The following FBXL2 variants were observed in gnomAD, a reference collection of about 807,000 sequenced individuals.
The protein encoded by FBXL2 is F-box/LRR-repeat protein 2.
In FBXL2, 38 loss-of-function variants were observed where a neutral mutation model predicts 69.2. That is an observed-to-expected ratio of 0.55 (90% CI 0.42 to 0.72). FBXL2 has a LOEUF of 0.72. FBXL2 is among the 30% of genes least tolerant of loss of function. The probability of loss-of-function intolerance (pLI) is 0.00; values close to 1 mark genes in which losing one functional copy is unlikely to be tolerated. For missense variants in FBXL2, 354 were observed against 520.3 expected (o/e 0.68, Z 3.11); for synonymous variants, 192 against 201.3 (o/e 0.95, Z 0.39).
chr3:33,322,866 TCTA>T (rs1395211704), intron 2 of FBXL2, among the ~76,000 whole-genome samples: 2 of 152,160 alleles, frequency 1.3e-5, no homozygotes, highest in East Asian at 3.9e-4. Context: ...TATGATGAAG[TCTA>T]CTATGTTTTA....
intron 2 of FBXL2, among the ~76,000 whole-genome samples, chr3:33,354,104 A>G (rs2041022356): frequency 6.6e-6 from 1 of 152,204 alleles, no homozygotes; most frequent in South Asian, 2.1e-4. Flanking sequence ...AATTTGGTTC[A>G]TTAATTGTAA....
intron 1 of FBXL2, chr3:33,278,246 C>T (rs1341711049): frequency 1.3e-5 from 2 of 152,190 alleles, no homozygotes; most frequent in Non-Finnish European, 2.9e-5. Flanking sequence ...CTCGGTTTCA[C>T]TCGGCGGAGG....
intron 2 of FBXL2, among the ~76,000 whole-genome samples, chr3:33,319,968 A>T (rs1575180182): frequency 6.6e-6 from 1 of 152,340 alleles, no homozygotes; most frequent in Middle Eastern, 3.4e-3. Context: ...TTATTAACAG[A>T]CATTAGAGGA....
chr3:33,279,517 C>T (rs531538556), intron 1 of FBXL2, among the ~76,000 whole-genome samples: 1 of 152,292 alleles, frequency 6.6e-6, no homozygotes, highest in East Asian at 1.9e-4. Flanking sequence ...GATCCTCCTG[C>T]CTTGGCCTCC....
At chr3:33,298,535 G>A (rs953345058) in intron 2 of FBXL2, among the ~76,000 whole-genome samples, 2 of 151,758 alleles carry the variant, frequency 1.3e-5, no homozygotes, top group Admixed American at 6.6e-5. Context: ...TTAGCCAGGC[G>A]TGGTGGTGCA....
At chr3:33,328,768 A>G (rs56020091) in intron 2 of FBXL2, among the ~76,000 whole-genome samples, 36,802 of 151,672 alleles carry the variant, frequency 0.24, 5,199 homozygotes, top group East Asian at 0.48. Context: ...GAAACACTCC[A>G]GGACGTTGGT....
chr3:33,326,374 G>T (rs904028540), intron 2 of FBXL2, among the ~76,000 whole-genome samples: 1 of 151,984 alleles, frequency 6.6e-6, no homozygotes, highest in Non-Finnish European at 1.5e-5. Flanking sequence ...GTGGTGGCAG[G>T]CACCTGTAGT....
chr3:33,325,059 G>C (rs1057354293), intron 2 of FBXL2, among the ~76,000 whole-genome samples: 7 of 152,044 alleles, frequency 4.6e-5, no homozygotes, highest in African/African-American at 1.4e-4. Context: ...TATTCTCTTC[G>C]TAGCAGTTGT....
intron 2 of FBXL2, among the ~76,000 whole-genome samples, chr3:33,342,194 A>G (rs558183673): frequency 1.3e-5 from 2 of 150,982 alleles, no homozygotes; most frequent in East Asian, 3.9e-4. Context: ...TTTAGTAGAG[A>G]CGGGGTTTCA....
chr3:33,367,230 C>G (rs2042010781), intron 5 of FBXL2, among the ~76,000 whole-genome samples: 1 of 152,014 alleles, frequency 6.6e-6, no homozygotes, highest in African/African-American at 2.4e-5. Flanking sequence ...TACAGTCACC[C>G]ACCACCATGC....
chr3:33,316,228 T>C (rs965353544), intron 2 of FBXL2, among the ~76,000 whole-genome samples: 1 of 152,028 alleles, frequency 6.6e-6, no homozygotes, highest in Non-Finnish European at 1.5e-5. Context: ...TGGGTAATTT[T>C]TGTGTTTTTA....
chr3:33,364,478 A>G, intron 4 of FBXL2, 147 bp from the exon 5 acceptor site: 2 of 712,072 alleles, frequency 2.8e-6, no homozygotes, highest in Non-Finnish European at 5.0e-6. Context: ...CATTAAGGAT[A>G]GAACTGAGGT....
At chr3:33,277,185 T>TTA, upstream of FBXL2, 3 of 291,180 alleles carry the variant, frequency 1.0e-5, no homozygotes, top group Non-Finnish European at 1.3e-5. Flanking sequence ...ACGTTTTTTT[T>TTA]AAAAAAAAAA....
At chr3:33,378,822 C>T (rs1159196312) in intron 13 of FBXL2, 81 bp downstream of exon 13, 2 of 1,611,530 alleles carry the variant, frequency 1.2e-6, no homozygotes, top group Admixed American at 1.7e-5. Context: ...TGTTTGGGTT[C>T]TCTTTCTGTA....
intron 2 of FBXL2, among the ~76,000 whole-genome samples, chr3:33,330,057 A>G (rs1383017403): frequency 4.6e-5 from 7 of 152,040 alleles, no homozygotes; most frequent in African/African-American, 1.7e-4. Flanking sequence ...CCAAGGCAGA[A>G]GGACCACTTG....
rs149316198 is a variant in FBXL2, at chr3:33,366,735, C to T, written c.290+2016C>T. ...ATCCCAGCACTTTGGGAGACTGAGGCGGGTGGATCACTAGGTCAGGAGATT... is the reference window on the plus strand; with the variant it reads ...ATCCCAGCACTTTGGGAGACTGAGGTGGGTGGATCACTAGGTCAGGAGATT... On this transcript the variant is annotated intron_variant, in intron 5 of 14. Coordinates refer to ENST00000484457, the MANE Select transcript of FBXL2 (RefSeq NM_012157.5). Among the ~76,000 whole-genome samples the T allele has an allele frequency of 9.3e-3, 1,407 of 152,096 alleles. 17 individuals are homozygous for T. The highest frequency in any genetic ancestry group is 0.032 in the African/African-American group (1,313 of 41,492).
chr3:33,333,781 T>C (rs184220560), intron 2 of FBXL2, among the ~76,000 whole-genome samples: 3 of 152,230 alleles, frequency 2.0e-5, no homozygotes, highest in East Asian at 3.9e-4. Flanking sequence ...CACCAACCCA[T>C]AGAGATTTCT....
chr3:33,400,046 G>A (rs2044162719), intron 12 of FBXL2: 2 of 463,042 alleles, frequency 4.3e-6, no homozygotes, highest in Non-Finnish European at 7.3e-6. Flanking sequence ...TTGGGGGATA[G>A]ATATAAAGAA....
chr3:33,377,426 C>G (rs1394761129), intron 11 of FBXL2, 93 bp downstream of exon 11: 1 of 1,224,028 alleles, frequency 8.2e-7, no homozygotes, highest in Non-Finnish European at 1.2e-6. Flanking sequence ...AAAAGACTAC[C>G]TTCAGAAAAG....
Sources: allele counts gnomAD v4.1 joint callset (sites outside exome capture counted in the v4.1 genomes callset), GRCh38; gene constraint gnomAD v4.1.1; transcripts MANE v1.5; gene names NCBI Gene and HGNC (gene_info 2026-07-23, HGNC 2026-07-21).